Variants in CLGN observed in about 807,000 individuals in gnomAD.
The protein encoded by CLGN is testis tissue sperm-binding protein Li 79P.
Under a neutral mutation model 79.1 loss-of-function variants are expected in CLGN, and 62 were observed. That is an observed-to-expected ratio of 0.78 (90% CI 0.64 to 0.97). The LOEUF is 0.97. Ranked by LOEUF, CLGN falls within the 50% of genes least tolerant of loss-of-function variation. CLGN has a pLI of 0.00. For missense variants in CLGN, 647 were observed against 715.5 expected (o/e 0.90, Z 1.09); for synonymous variants, 225 against 224.7 (o/e 1.00, Z -0.01).
intron 1 of CLGN, among the ~76,000 whole-genome samples, chr4:140,418,953 C>G (rs1306978425): frequency 7.9e-5 from 12 of 152,090 alleles, no homozygotes; most frequent in African/African-American, 2.9e-4. Flanking sequence ...GGAACCAACC[C>G]AAATGTCCAA....
intron 5 of CLGN, among the ~76,000 whole-genome samples, chr4:140,405,182 T>TA (rs1314832941): frequency 1.3e-5 from 1 of 78,832 alleles, no homozygotes; most frequent in African/African-American, 3.8e-5. Context: ...TATTTTTATT[T>TA]TTTTTTTTAT....
intron 1 of CLGN, among the ~76,000 whole-genome samples, chr4:140,418,607 C>T (rs956052582): frequency 1.4e-4 from 21 of 151,116 alleles, no homozygotes; most frequent in African/African-American, 4.7e-4. Context: ...AAAAAATGCT[C>T]ATCATCACTG....
intron 5 of CLGN, among the ~76,000 whole-genome samples, chr4:140,405,197 T>TA (rs1560743229): frequency 8.1e-5 from 12 of 147,752 alleles, no homozygotes; most frequent in East Asian, 1.9e-4. Flanking sequence ...TTTTATTTTT[T>TA]TTTTTGAGAC....
intron 5 of CLGN, among the ~76,000 whole-genome samples, chr4:140,405,483 G>T (rs1439550573): frequency 6.6e-6 from 1 of 151,974 alleles, no homozygotes; most frequent in East Asian, 1.9e-4. Flanking sequence ...CGCGCCCGGC[G>T]ATAACAAGTA....
intron 6 of CLGN, among the ~76,000 whole-genome samples, chr4:140,400,941 C>A (rs1329157990): frequency 1.3e-5 from 2 of 152,078 alleles, no homozygotes; most frequent in African/African-American, 2.4e-5. Flanking sequence ...CAGAAAATGA[C>A]CCTCTGAGCA....
chr4:140,424,991 C>A (rs1560750522), intron 1 of CLGN, among the ~76,000 whole-genome samples: 1 of 152,140 alleles, frequency 6.6e-6, no homozygotes. Context: ...CACTACCACC[C>A]CCAAATTACA....
intron 1 of CLGN, among the ~76,000 whole-genome samples, chr4:140,422,117 T>A (rs1729482000): frequency 6.6e-6 from 1 of 152,210 alleles, no homozygotes; most frequent in Admixed American, 6.5e-5. Flanking sequence ...CTAGGCTCTT[T>A]ATTGTATCCC....
In CLGN at chr4:140,395,977, T is replaced by C. The variant is rs753988620; in HGVS notation, c.999-8A>G. ...CCATCCGTGTCTTCATTCCTTAGGA[T>C]ATTAAAACAAAGCAAATACAGTAAC... On this transcript the variant is annotated splice_polypyrimidine_tract_variant and splice_region_variant and intron_variant, in intron 9 of 14. Transcript: ENST00000325617. The C allele has an allele frequency of 7.5e-6, 12 of 1,598,244 alleles. No homozygotes were observed. In the African/African-American group the frequency reaches 1.6e-4, roughly 22 times the overall value.
intron 14 of CLGN, among the ~76,000 whole-genome samples, chr4:140,389,849 A>G (rs1438367182): frequency 1.3e-5 from 2 of 151,864 alleles, no homozygotes; most frequent in African/African-American, 4.8e-5. Context: ...TTAAATAGAT[A>G]AAATACAAAA....
chr4:140,391,956 A>G (rs1028533999), intron 13 of CLGN, among the ~76,000 whole-genome samples: 13 of 151,808 alleles, frequency 8.6e-5, no homozygotes, highest in Non-Finnish European at 1.8e-4. Context: ...GCAAAAAGCT[A>G]TGGCCTATGG....
intron 5 of CLGN, among the ~76,000 whole-genome samples, chr4:140,405,216 G>A (rs1361573097): frequency 7.9e-6 from 1 of 125,922 alleles, no homozygotes; most frequent in Admixed American, 9.3e-5. Flanking sequence ...ACGGAGTCTC[G>A]CTCTGTCGCC....
At chr4:140,400,636 CA>C in intron 6 of CLGN, 87 bp from the exon 7 acceptor site, 2 of 758,336 alleles carry the variant, frequency 2.6e-6, no homozygotes, top group Non-Finnish European at 4.1e-6. Context: ...GTAGAGTTTA[CA>C]AAAATATATT....
At chr4:140,424,313 T>C (rs1015534043) in intron 1 of CLGN, among the ~76,000 whole-genome samples, 3 of 152,190 alleles carry the variant, frequency 2.0e-5, no homozygotes, top group African/African-American at 7.2e-5. Flanking sequence ...ATTTGTGAAT[T>C]TTTCTTGTTT....
At chr4:140,410,045 G>C (rs1729181847) in intron 3 of CLGN, 150 bp from the exon 4 acceptor site, 1 of 533,432 alleles carries the variant, frequency 1.9e-6, no homozygotes, top group African/African-American at 2.0e-5. Context: ...AAATAAGGAT[G>C]CCTACACATA....
At chr4:140,408,703 A>G (rs899676665) in intron 4 of CLGN, among the ~76,000 whole-genome samples, 1 of 152,012 alleles carries the variant, frequency 6.6e-6, no homozygotes, top group Non-Finnish European at 1.5e-5. Flanking sequence ...AAAAGGGAAC[A>G]TTTATACACT....
At chr4:140,423,354 T>C (rs1169833018) in intron 1 of CLGN, among the ~76,000 whole-genome samples, 1 of 152,240 alleles carries the variant, frequency 6.6e-6, no homozygotes, top group African/African-American at 2.4e-5. Flanking sequence ...TTTTCTTATG[T>C]TGAATCATCC....
At chr4:140,419,758 A>G (rs983057206) in intron 1 of CLGN, among the ~76,000 whole-genome samples, 1 of 152,194 alleles carries the variant, frequency 6.6e-6, no homozygotes, top group Non-Finnish European at 1.5e-5. Flanking sequence ...GGGTGCTGTC[A>G]TTAACTAGGA....
chr4:140,422,601 C>T (rs997532408), intron 1 of CLGN, among the ~76,000 whole-genome samples: 1 of 151,964 alleles, frequency 6.6e-6, no homozygotes. Context: ...TTTTTTTACC[C>T]TGCAACTTTA....
intron 1 of CLGN, among the ~76,000 whole-genome samples, chr4:140,419,656 C>T (rs1729423846): frequency 6.6e-6 from 1 of 152,080 alleles, no homozygotes. Flanking sequence ...ATCAGGTAGA[C>T]TGCTATGGAG....
Sources: allele counts gnomAD v4.1 joint callset (sites outside exome capture counted in the v4.1 genomes callset), GRCh38; gene constraint gnomAD v4.1.1; transcripts MANE v1.5; gene names NCBI Gene and HGNC (gene_info 2026-07-23, HGNC 2026-07-21).